Variants in ARHGEF26 observed in about 807,000 individuals in gnomAD.
ARHGEF26 encodes Rho guanine nucleotide exchange factor (GEF) 26.
Under a neutral mutation model 89.4 loss-of-function variants are expected in ARHGEF26, and 59 were observed. The observed-to-expected ratio is 0.66, with a 90% CI of 0.54 to 0.82. The LOEUF is 0.82. Ranked by LOEUF, ARHGEF26 falls within the 40% of genes least tolerant of loss-of-function variation. The pLI is 0.00. For synonymous variants in ARHGEF26, 500 were observed against 428.4 expected (o/e 1.17, Z -2.06); for missense variants, 1,234 against 1,085.6 (o/e 1.14, Z -1.92).
At chr3:154,137,932 G>A (rs1167881256) in intron 4 of ARHGEF26, among the ~76,000 whole-genome samples, 2 of 151,932 alleles carry the variant, frequency 1.3e-5, no homozygotes, top group Non-Finnish European at 2.9e-5. Context: ...AGATAATGCT[G>A]CTCTCAATTT....
intron 12 of ARHGEF26, among the ~76,000 whole-genome samples, chr3:154,244,894 G>A (rs1443511685): frequency 6.8e-6 from 1 of 148,088 alleles, no homozygotes; most frequent in Non-Finnish European, 1.5e-5. Context: ...CCAACCAGTA[G>A]GCTGTTCCAC....
At chr3:154,169,768 A>G (rs1285696150) in intron 6 of ARHGEF26, among the ~76,000 whole-genome samples, 1 of 152,206 alleles carries the variant, frequency 6.6e-6, no homozygotes, top group African/African-American at 2.4e-5. Flanking sequence ...AACACTGTAT[A>G]CATTAAATAA....
chr3:154,185,908 A>T lies in ARHGEF26; in HGVS notation c.1488-1777A>T, dbSNP rs1411445455. Among the ~76,000 whole-genome samples the T allele has an allele frequency of 2.0e-5, 3 of 152,282 alleles. No homozygotes were observed. The East Asian group carries it at 5.8e-4, about 29-fold the overall frequency. ...CAGGTATTTCAAGGAGCTGTGTTCCAAGGACCAGGGATGAAGACCAAATAC... is the reference window on the plus strand; with the variant it reads ...CAGGTATTTCAAGGAGCTGTGTTCCTAGGACCAGGGATGAAGACCAAATAC... On this transcript the variant is annotated intron_variant, in intron 6 of 14. Transcript: ENST00000465093.
At chr3:154,201,757 A>T (rs998921139) in intron 9 of ARHGEF26, among the ~76,000 whole-genome samples, 1 of 152,210 alleles carries the variant, frequency 6.6e-6, no homozygotes, top group Non-Finnish European at 1.5e-5. Flanking sequence ...ATAGCCAGTG[A>T]TGATGAGCAT....
At chr3:154,254,347 G>A (rs1559931546) in intron 13 of ARHGEF26, among the ~76,000 whole-genome samples, 1 of 152,202 alleles carries the variant, frequency 6.6e-6, no homozygotes, top group Non-Finnish European at 1.5e-5. Flanking sequence ...ATGAGAGCCA[G>A]GAGAACTGTG....
At chr3:154,212,627 G>A (rs551970170) in intron 9 of ARHGEF26, among the ~76,000 whole-genome samples, 47 of 152,038 alleles carry the variant, frequency 3.1e-4, no homozygotes, top group African/African-American at 1.1e-3. Flanking sequence ...GGTGGTAGGT[G>A]GTTTCGGGAT....
rs1713661225 is a variant in ARHGEF26, at chr3:154,187,607, A to T, written c.1488-78A>T. The T allele has an allele frequency of 6.4e-6, 8 of 1,255,900 alleles. 1 individual carries two copies. In the South Asian group the frequency reaches 1.4e-4, roughly 23 times the overall value. The allele number at this position is 1,255,900 out of a possible 1,614,324, so 77.8% of individuals were successfully genotyped here. A position where few individuals can be genotyped will look rare whatever the true frequency, so the allele number is the denominator to read the frequency against. On this transcript the variant is annotated intron_variant, in intron 6 of 14. Transcript: ENST00000465093. ...TTGAATTTTCAAACCCCGTGTAATA[A>T]CATTACATGAGGCTAATCTGTTATC...
chr3:154,123,686 G>A (rs1576673731), intron 2 of ARHGEF26, among the ~76,000 whole-genome samples: 1 of 152,148 alleles, frequency 6.6e-6, no homozygotes, highest in Admixed American at 6.5e-5. Flanking sequence ...GCCTTTGGTT[G>A]TGTTTTATTC....
At chr3:154,238,120 ACTG>A (rs1172841946) in intron 11 of ARHGEF26, among the ~76,000 whole-genome samples, 7 of 152,188 alleles carry the variant, frequency 4.6e-5, no homozygotes, top group Admixed American at 6.5e-5. Context: ...CTAAAAATTG[ACTG>A]CTTTGTTTCT....
chr3:154,178,210 CAATA>C (rs1268014322), intron 6 of ARHGEF26, among the ~76,000 whole-genome samples: 5 of 152,134 alleles, frequency 3.3e-5, no homozygotes, highest in East Asian at 1.9e-4. Flanking sequence ...TCTTAAAAAA[CAATA>C]AATAAATAAA....
intron 7 of ARHGEF26, among the ~76,000 whole-genome samples, chr3:154,188,082 T>A (rs1468393945): frequency 6.6e-6 from 1 of 152,174 alleles, no homozygotes; most frequent in African/African-American, 2.4e-5. Context: ...GTTTAGTGTT[T>A]CGTTGTTTTT....
intron 12 of ARHGEF26, among the ~76,000 whole-genome samples, chr3:154,251,877 C>G (rs890413565): frequency 1.4e-4 from 21 of 152,212 alleles, no homozygotes; most frequent in African/African-American, 5.1e-4. Flanking sequence ...ATGCCTGGCG[C>G]ATCTGTGTCT....
chr3:154,175,080 G>T (rs950475692), intron 6 of ARHGEF26, among the ~76,000 whole-genome samples: 10 of 152,100 alleles, frequency 6.6e-5, no homozygotes, highest in Admixed American at 5.9e-4. Flanking sequence ...TTAAAAAATT[G>T]AATTTACCAT....
intron 9 of ARHGEF26, among the ~76,000 whole-genome samples, chr3:154,195,512 G>A (rs573420951): frequency 1.3e-5 from 2 of 152,294 alleles, no homozygotes; most frequent in South Asian, 2.1e-4. Flanking sequence ...TGGTAAGGTG[G>A]TGAGAAGTCT....
chr3:154,171,176 C>T (rs1019686977), intron 6 of ARHGEF26, among the ~76,000 whole-genome samples: 1 of 152,206 alleles, frequency 6.6e-6, no homozygotes, highest in South Asian at 2.1e-4. Flanking sequence ...TCTCTAGTAG[C>T]CAGGAAAGAC....
At chr3:154,228,061 T>C (rs1410776050) in intron 11 of ARHGEF26, among the ~76,000 whole-genome samples, 1 of 152,154 alleles carries the variant, frequency 6.6e-6, no homozygotes, top group Non-Finnish European at 1.5e-5. Context: ...CTCCTAGCTA[T>C]CCCACATTTA....
intron 6 of ARHGEF26, among the ~76,000 whole-genome samples, chr3:154,183,257 G>GA (rs1394410203): frequency 6.6e-6 from 1 of 152,168 alleles, no homozygotes; most frequent in Non-Finnish European, 1.5e-5. Flanking sequence ...CTGGTCCACA[G>GA]AAGGTTTCTC....
intron 11 of ARHGEF26, among the ~76,000 whole-genome samples, chr3:154,233,681 G>A (rs1034826564): frequency 6.6e-6 from 1 of 152,186 alleles, no homozygotes; most frequent in Non-Finnish European, 1.5e-5. Context: ...AGAAGATAGA[G>A]TTTCAGGATT....
chr3:154,187,796 C>T lies in ARHGEF26; in HGVS notation c.1599C>T (p.Cys533=), dbSNP rs1713682055. 1 of 1,610,318 alleles carries T rather than the reference C, an allele frequency of 6.2e-7. No individual in the cohort carries two copies. The highest frequency in any genetic ancestry group is 8.5e-7 in the Non-Finnish European group (1 of 1,177,856). Residue 533 remains cysteine (C), a synonymous_variant, in exon 7 of 15, where the codon TGC becomes TGT. Transcript: ENST00000465093. ...ASTFDPYVKY[C]TNEVYQQRTL... ...CATTTGACCCATATGTGAAATACTG[C>T]ACAAATGAAGTCTACCAACAACGAA...
Sources: allele counts gnomAD v4.1 joint callset (sites outside exome capture counted in the v4.1 genomes callset), GRCh38; gene constraint gnomAD v4.1.1; transcripts MANE v1.5; gene names NCBI Gene and HGNC (gene_info 2026-07-23, HGNC 2026-07-21).